The following FHL2 variants were observed in gnomAD, a reference collection of about 807,000 sequenced individuals.
FHL2 encodes four and a half LIM domains protein 2.
In FHL2, 20 loss-of-function variants were observed where a neutral mutation model predicts 32.7. The observed-to-expected ratio is 0.61, with a 90% CI of 0.43 to 0.89. The LOEUF (loss-of-function observed/expected upper bound fraction) is 0.89. Ranked by LOEUF, FHL2 falls within the 40% of genes least tolerant of loss-of-function variation. The pLI, the probability that FHL2 is intolerant of heterozygous loss-of-function variation, is 0.00. For synonymous variants in FHL2, 123 were observed against 128.1 expected, an observed-to-expected ratio of 0.96 and a Z score of 0.27; for missense variants, 311 against 358.6, an observed-to-expected ratio of 0.87 and a Z score of 1.07.
chr2:105,370,244 G>T (rs1573296575), intron 4 of FHL2, among the ~76,000 whole-genome samples: 1 of 152,056 alleles, frequency 6.6e-6, no homozygotes, highest in Non-Finnish European at 1.5e-5. Flanking sequence ...GTGTGGTGGT[G>T]TGTGCCTGAG....
At chr2:105,417,828 C>A (rs1394538707) in intron 1 of FHL2, among the ~76,000 whole-genome samples, 1 of 151,960 alleles carries the variant, frequency 6.6e-6, no homozygotes. Flanking sequence ...CTTTTTCCCC[C>A]TACTGCTTGG....
Position 105,361,226 on chromosome 2 carries a change from A to G in FHL2, c.*57T>C. On this transcript the variant is annotated 3_prime_UTR_variant, in exon 7 of 7. Coordinates refer to ENST00000530340, the MANE Select transcript of FHL2 (RefSeq NM_001318895.3). ...AGAAGGCAAGATTGCCTGGGTGAGA[A>G]AGAAAACATAAAAATCTGTGTGTGA... 1 of 1,559,800 alleles carries G rather than the reference A, an allele frequency of 6.4e-7. No homozygotes were observed. The highest frequency in any genetic ancestry group is 8.7e-7 in the Non-Finnish European group (1 of 1,145,874).
chr2:105,383,101 G>C (rs1682021681), intron 3 of FHL2, among the ~76,000 whole-genome samples: 1 of 152,182 alleles, frequency 6.6e-6, no homozygotes, highest in South Asian at 2.1e-4. Context: ...GGCCAGGCTG[G>C]TCTCCAGCTC....
chr2:105,393,025 G>C (rs1054071403), intron 2 of FHL2, among the ~76,000 whole-genome samples: 8 of 151,420 alleles, frequency 5.3e-5, no homozygotes, highest in Non-Finnish European at 1.2e-4. Flanking sequence ...TTCGATCAAA[G>C]GAGGGGCTGC....
chr2:105,363,133 A>G, intron 6 of FHL2, 152 bp downstream of exon 6: 1 of 664,052 alleles, frequency 1.5e-6, no homozygotes, highest in Non-Finnish European at 2.6e-6. Context: ...TGCACCAAGG[A>G]GAGGAAAGCA....
chr2:105,408,722 C>T (rs1683707921), intron 1 of FHL2, among the ~76,000 whole-genome samples: 1 of 152,192 alleles, frequency 6.6e-6, no homozygotes, highest in Non-Finnish European at 1.5e-5. Context: ...CTTTCGTCAT[C>T]ACTACTACCA....
chr2:105,370,036 G>T (rs1313079738), intron 4 of FHL2, among the ~76,000 whole-genome samples: 2 of 152,232 alleles, frequency 1.3e-5, no homozygotes, highest in African/African-American at 4.8e-5. Flanking sequence ...TCTCCCGCAG[G>T]CGGAAGCGCA....
At chr2:105,390,687 C>T (rs1008817614) in intron 2 of FHL2, among the ~76,000 whole-genome samples, 10 of 152,294 alleles carry the variant, frequency 6.6e-5, no homozygotes, top group Admixed American at 3.3e-4. Context: ...AAGCCCTGAG[C>T]ATCAGAATAA....
upstream of FHL2, among the ~76,000 whole-genome samples, chr2:105,402,081 ATGTGTATATATACG>A (rs1400066657): frequency 1.3e-5 from 2 of 149,256 alleles, no homozygotes; most frequent in African/African-American, 4.9e-5. Flanking sequence ...ACATGTATAT[ATGTGTATATATACG>A]TGTATATATA....
At chr2:105,382,236 C>T (rs1476327630) in intron 3 of FHL2, among the ~76,000 whole-genome samples, 5 of 152,068 alleles carry the variant, frequency 3.3e-5, no homozygotes, top group Non-Finnish European at 5.9e-5. Context: ...TAATCATCAC[C>T]ATCTAAAGGG....
chr2:105,374,724 A>T (rs898215741), intron 3 of FHL2, among the ~76,000 whole-genome samples: 10 of 152,234 alleles, frequency 6.6e-5, no homozygotes, highest in African/African-American at 2.4e-4. Context: ...TTTAAAAATG[A>T]CATACGGCAT....
At chr2:105,416,282 T>C (rs964958569) in intron 1 of FHL2, among the ~76,000 whole-genome samples, 18 of 152,236 alleles carry the variant, frequency 1.2e-4, no homozygotes, top group African/African-American at 4.1e-4. Flanking sequence ...TTTGAATTTT[T>C]GCAAATCTCT....
chr2:105,427,844 A>T (rs1025256492), intron 1 of FHL2, among the ~76,000 whole-genome samples: 1 of 152,158 alleles, frequency 6.6e-6, no homozygotes, highest in African/African-American at 2.4e-5. Flanking sequence ...CAGCAGTTAC[A>T]CCTGTGGACC....
chr2:105,407,093 T>C (rs185238402), intron 1 of FHL2, among the ~76,000 whole-genome samples: 402 of 152,314 alleles, frequency 2.6e-3, no homozygotes, highest in Non-Finnish European at 3.7e-3. Context: ...AATTCAGTTT[T>C]CTTGAAAATG....
chr2:105,357,799 C>T (rs189415933), downstream of FHL2: 2 of 152,046 alleles, frequency 1.3e-5, no homozygotes, highest in East Asian at 3.9e-4. Context: ...GTAATTGTTC[C>T]TTTACCTTCC....
chr2:105,410,218 G>A (rs943316800), intron 1 of FHL2, among the ~76,000 whole-genome samples: 15 of 152,238 alleles, frequency 9.9e-5, no homozygotes, highest in African/African-American at 2.4e-4. Context: ...GGCGGAGGCC[G>A]GAGAGGCAGC....
chr2:105,363,629 C>T (rs1680434235), intron 5 of FHL2, among the ~76,000 whole-genome samples, 158 bp from the exon 6 acceptor site: 1 of 152,222 alleles, frequency 6.6e-6, no homozygotes, highest in Non-Finnish European at 1.5e-5. Flanking sequence ...TCACTCGTCA[C>T]CCTCACCACA....
intron 3 of FHL2, among the ~76,000 whole-genome samples, chr2:105,384,506 GT>G (rs200852372): frequency 8.6e-5 from 13 of 151,802 alleles, no homozygotes; most frequent in Admixed American, 1.3e-4. Flanking sequence ...GTTCTCCCCA[GT>G]TTTTTTTGGG....
intron 1 of FHL2, among the ~76,000 whole-genome samples, chr2:105,407,391 CAAAAA>C (rs35638962): frequency 3.8e-5 from 3 of 78,486 alleles, no homozygotes; most frequent in Admixed American, 1.4e-4. Flanking sequence ...GACTCTGTCT[CAAAAA>C]AAAAAAAAAA....
Sources: allele counts gnomAD v4.1 joint callset (sites outside exome capture counted in the v4.1 genomes callset), GRCh38; gene constraint gnomAD v4.1.1; transcripts MANE v1.5; gene names NCBI Gene and HGNC (gene_info 2026-07-23, HGNC 2026-07-21).